The following CDH4 variants were observed in gnomAD, a reference collection of about 807,000 sequenced individuals.
CDH4 encodes the protein cadherin-4.
In CDH4, 33 loss-of-function variants were observed where a neutral mutation model predicts 86.0. The ratio of observed to expected loss-of-function variants is 0.38; its 90% confidence interval spans 0.29 to 0.51. The LOEUF (loss-of-function observed/expected upper bound fraction) is 0.51. CDH4 is among the 20% of genes least tolerant of loss of function. The pLI, the probability that CDH4 is intolerant of heterozygous loss-of-function variation, is 0.86. For missense variants in CDH4, 1,114 were observed against 1,307.4 expected (o/e 0.85, Z 2.28); for synonymous variants, 555 against 549.4 (o/e 1.01, Z -0.14).
At chr20:61,546,332 GGT>G (rs1394960404) in intron 2 of CDH4, among the ~76,000 whole-genome samples, 1 of 150,120 alleles carries the variant, frequency 6.7e-6, no homozygotes, top group Non-Finnish European at 1.5e-5. Context: ...GTGTGTGTGA[GGT>G]GTGTATATGC....
chr20:61,536,051 CG>C (rs11478837), intron 2 of CDH4, among the ~76,000 whole-genome samples: 13,648 of 152,178 alleles, frequency 0.09, 828 homozygotes, highest in East Asian at 0.34. Context: ...GGAGTGCCCC[CG>C]GAGCCCCACC....
chr20:61,866,240 T>C (rs1983544466), intron 6 of CDH4, among the ~76,000 whole-genome samples: 1 of 152,130 alleles, frequency 6.6e-6, no homozygotes, highest in Non-Finnish European at 1.5e-5. Flanking sequence ...CACAGAGGGA[T>C]GTTCAGTAAA....
intron 2 of CDH4, among the ~76,000 whole-genome samples, chr20:61,307,288 A>T (rs768777145): frequency 6.7e-6 from 1 of 149,936 alleles, no homozygotes; most frequent in African/African-American, 2.5e-5. Context: ...TCCAACACAC[A>T]TTGCATGTAT....
intron 2 of CDH4, among the ~76,000 whole-genome samples, chr20:61,497,693 C>T (rs1427358708): frequency 6.6e-6 from 1 of 152,094 alleles, no homozygotes; most frequent in Non-Finnish European, 1.5e-5. Flanking sequence ...TTGACCCAGC[C>T]ATCCTATTAC....
intron 4 of CDH4, among the ~76,000 whole-genome samples, chr20:61,834,636 A>G (rs1414854459): frequency 6.6e-6 from 1 of 152,240 alleles, no homozygotes; most frequent in African/African-American, 2.4e-5. Context: ...AGAAAATGAC[A>G]GGGACTAATC....
rs1310251105 is a variant in CDH4 at position 61,879,642 on chromosome 20, C to T, written c.1050+5742C>T. 6.6e-6 allele frequency among the ~76,000 whole-genome samples: 1 copy of T among 152,212 alleles called. No individual in the cohort carries two copies. Among genetic ancestry groups the T allele is most frequent in the Admixed American group, 6.5e-5 (1 of 15,288 alleles). Reference sequence around the variant, plus strand: ...TCGTGTACCAGCCGAAGATGCCCCACTTGCTAATCCTATTCATCTGGCGTT... The same window carrying T: ...TCGTGTACCAGCCGAAGATGCCCCATTTGCTAATCCTATTCATCTGGCGTT... On this transcript the variant is annotated intron_variant, in intron 7 of 15. Transcript: ENST00000614565. The surrounding 1 kb of genome is among the most constrained non-coding windows in gnomAD (Gnocchi z 4.1).
chr20:61,657,740 A>G (rs147278061), intron 2 of CDH4, among the ~76,000 whole-genome samples: 7 of 152,404 alleles, frequency 4.6e-5, no homozygotes, highest in African/African-American at 1.4e-4. Flanking sequence ...GCTTAAGAAT[A>G]TAAATGCAGC....
At chr20:61,688,047 G>A (rs2087607884) in intron 2 of CDH4, among the ~76,000 whole-genome samples, 1 of 152,110 alleles carries the variant, frequency 6.6e-6, no homozygotes, top group African/African-American at 2.4e-5. Flanking sequence ...ACCCTAGGCT[G>A]GAGGAAGCTG....
At chr20:61,864,010 T>C (rs1413150028) in intron 6 of CDH4, among the ~76,000 whole-genome samples, 1 of 152,364 alleles carries the variant, frequency 6.6e-6, no homozygotes, top group African/African-American at 2.4e-5. Flanking sequence ...TGTGACCTTA[T>C]TCAAAAATAG....
At chr20:61,353,609 TCC>T (rs113940204) in intron 2 of CDH4, among the ~76,000 whole-genome samples, 335 of 27,628 alleles carry the variant, frequency 0.012, 127 homozygotes, top group East Asian at 0.014. Flanking sequence ...TTCCACTTCC[TCC>T]TCTTCCTCCT....
intron 2 of CDH4, among the ~76,000 whole-genome samples, chr20:61,540,041 G>C (rs1439982395): frequency 6.6e-6 from 1 of 152,166 alleles, no homozygotes. Flanking sequence ...CGATCCGATT[G>C]GTTGGTGGTC....
chr20:61,473,577 C>T (rs1005018345), intron 2 of CDH4, among the ~76,000 whole-genome samples: 8 of 152,160 alleles, frequency 5.3e-5, no homozygotes, highest in African/African-American at 1.9e-4. Flanking sequence ...TAATTTAACT[C>T]GTAAGCAGAA....
intron 2 of CDH4, among the ~76,000 whole-genome samples, chr20:61,563,827 T>C (rs981997812): frequency 6.6e-6 from 1 of 152,198 alleles, no homozygotes; most frequent in African/African-American, 2.4e-5. Flanking sequence ...ATATTCTGAC[T>C]GCTTGGTAGA....
intron 3 of CDH4, among the ~76,000 whole-genome samples, chr20:61,758,416 G>A (rs2088591705): frequency 6.6e-6 from 1 of 152,222 alleles, no homozygotes; most frequent in Non-Finnish European, 1.5e-5. Context: ...TGGATAGGCT[G>A]TACGTTCTGC....
chr20:61,618,086 T>C (rs566812286), intron 2 of CDH4, among the ~76,000 whole-genome samples: 1 of 152,234 alleles, frequency 6.6e-6, no homozygotes, highest in African/African-American at 2.4e-5. Context: ...ATTAAACCTC[T>C]TTTTCTTTAT....
intron 2 of CDH4, among the ~76,000 whole-genome samples, chr20:61,574,501 C>G (rs1281884023): frequency 6.6e-6 from 1 of 152,210 alleles, no homozygotes; most frequent in Non-Finnish European, 1.5e-5. Context: ...ACCCCCCTTT[C>G]TCCTTCCTGC....
At chr20:61,675,302 TCG>T (rs2087434204) in intron 2 of CDH4, among the ~76,000 whole-genome samples, 3 of 137,432 alleles carry the variant, frequency 2.2e-5, no homozygotes, top group East Asian at 4.7e-4. Flanking sequence ...GAAACAACCA[TCG>T]TAGGGGCTGA....
intron 2 of CDH4, among the ~76,000 whole-genome samples, chr20:61,350,575 CAG>C (rs2084705967): frequency 6.6e-6 from 1 of 151,384 alleles, no homozygotes; most frequent in African/African-American, 2.4e-5. Context: ...AGGCCCCCCA[CAG>C]TGCTGCAGAG....
At chr20:61,907,560 T>C (rs2054804003) in intron 8 of CDH4, among the ~76,000 whole-genome samples, 1 of 152,220 alleles carries the variant, frequency 6.6e-6, no homozygotes, top group African/African-American at 2.4e-5. Flanking sequence ...TGCCTTGCAG[T>C]GCAGGGCCCA....
Sources: gnomAD v4.1 joint callset for allele counts (sites outside exome capture counted in the v4.1 genomes callset) on GRCh38, gnomAD v4.1.1 for gene constraint, Gnocchi (gnomAD v3.1) non-coding constraint, MANE v1.5 for transcripts, NCBI Gene and HGNC (gene_info 2026-07-23, HGNC 2026-07-21) for gene names.